The following DOCK7 variants were observed in gnomAD, a reference collection of about 807,000 sequenced individuals.
DOCK7 encodes dedicator of cytokinesis protein 7.
DOCK7 carries 138 observed loss-of-function variants against 271.0 expected under a neutral mutation model. The observed-to-expected ratio is 0.51, with a 90% confidence interval of 0.44 to 0.59. DOCK7 has a LOEUF of 0.59. Among genes scored for constraint, DOCK7 ranks in the 20% least tolerant of loss-of-function variants. The pLI, the probability that DOCK7 is intolerant of heterozygous loss-of-function variation, is 0.00. For synonymous variants in DOCK7, 823 were observed against 876.1 expected (o/e 0.94, Z 1.07); for missense variants, 2,066 against 2,592.4 (o/e 0.80, Z 4.41).
In DOCK7 at chr1:62,577,259, G is replaced by A. The variant is rs2149480888; in HGVS notation, c.2112+3C>T. The A allele has an allele frequency of 6.9e-7, 1 of 1,459,070 alleles. No homozygotes were observed. Among genetic ancestry groups the A allele is most frequent in the South Asian group, 1.7e-5 (1 of 58,686 alleles). The allele number at this position is 1,459,070 out of a possible 1,614,324, so 90.4% of individuals were successfully genotyped here. On this transcript the variant is annotated splice_donor_region_variant and intron_variant, in intron 18 of 49. Transcript: ENST00000635253. Reference sequence around the variant, plus strand: ...GGAGAAAGTCAACATGGGAGACACTGACCTCAGGAGACAGTACAGAATAAG... The same window carrying A: ...GGAGAAAGTCAACATGGGAGACACTAACCTCAGGAGACAGTACAGAATAAG...
chr1:62,547,045 G>A (rs538946379), intron 22 of DOCK7, among the ~76,000 whole-genome samples: 12 of 152,120 alleles, frequency 7.9e-5, no homozygotes, highest in East Asian at 5.8e-4. Context: ...GAACTTTGCT[G>A]TACTCTTAAA....
intron 28 of DOCK7, among the ~76,000 whole-genome samples, chr1:62,537,348 C>A (rs1458550562): frequency 6.6e-6 from 1 of 151,912 alleles, no homozygotes; most frequent in Non-Finnish European, 1.5e-5. Context: ...TTTTGAGAGG[C>A]CGAGGCCGGC....
At chr1:62,625,994 TA>T (rs1392030454) in intron 11 of DOCK7, among the ~76,000 whole-genome samples, 3 of 152,084 alleles carry the variant, frequency 2.0e-5, no homozygotes, top group African/African-American at 7.2e-5. Flanking sequence ...TACTAAGCCA[TA>T]AAACAACATA....
intron 39 of DOCK7, 122 bp from the exon 40 acceptor site, chr1:62,494,589 T>C: frequency 1.4e-6 from 1 of 696,436 alleles, no homozygotes; most frequent in South Asian, 3.9e-5. Flanking sequence ...TACTTAGTTT[T>C]AAAGTAGTAT....
intron 8 of DOCK7, chr1:62,635,761 AT>A (rs1655188343): frequency 6.6e-6 from 1 of 151,944 alleles, no homozygotes; most frequent in Non-Finnish European, 1.5e-5. Context: ...TCTTTTTTTA[AT>A]TTTAAATTGT....
At chr1:62,582,189 A>G (rs1647147230) in intron 16 of DOCK7, among the ~76,000 whole-genome samples, 1 of 152,190 alleles carries the variant, frequency 6.6e-6, no homozygotes, top group Non-Finnish European at 1.5e-5. Context: ...AGCACATAGA[A>G]AAGAAGCAGG....
chr1:62,548,423 C>T (rs189751820), intron 22 of DOCK7, among the ~76,000 whole-genome samples: 3 of 139,102 alleles, frequency 2.2e-5, no homozygotes, highest in Non-Finnish European at 3.1e-5. Flanking sequence ...TGTCTTAAGT[C>T]TTTTTTTTTT....
chr1:62,675,869 T>G (rs1660498342), intron 1 of DOCK7, among the ~76,000 whole-genome samples: 1 of 151,930 alleles, frequency 6.6e-6, no homozygotes. Flanking sequence ...CACCAGAATG[T>G]CTATAATCAA....
intron 14 of DOCK7, chr1:62,601,752 C>A: frequency 6.6e-7 from 1 of 1,503,986 alleles, no homozygotes; most frequent in Non-Finnish European, 9.2e-7. Context: ...GATGTAATAA[C>A]ATTTTATTGA....
In DOCK7 at chr1:62,539,748, T is replaced by G. The variant is rs895140871; in HGVS notation, c.3186+4A>C. 6.2e-7 allele frequency: 1 copy of G among 1,612,474 alleles called. No homozygotes were observed. The highest frequency in any genetic ancestry group is 8.5e-7 in the Non-Finnish European group (1 of 1,179,566). On this transcript the variant is annotated splice_donor_region_variant and intron_variant, in intron 26 of 49. Transcript: ENST00000635253. ...GAGATAAGTGGGGAAAAAGTTATCA[T>G]TACCTTCTGAAATCGTGAAACTATA...
intron 1 of DOCK7, among the ~76,000 whole-genome samples, chr1:62,676,778 G>T (rs1360530850): frequency 2.6e-5 from 4 of 152,082 alleles, no homozygotes; most frequent in Non-Finnish European, 4.4e-5. Flanking sequence ...GGTGTCACAG[G>T]GCAAACCAGG....
chr1:62,665,534 C>CTAG (rs1659199575), intron 1 of DOCK7, among the ~76,000 whole-genome samples: 1 of 150,974 alleles, frequency 6.6e-6, no homozygotes, highest in African/African-American at 2.4e-5. Context: ...TGAAACCCCG[C>CTAG]CTCTACTAAA....
chr1:62,475,884 TCTGTC>T lies in DOCK7; in HGVS notation c.5779_5783del (p.Asp1927AsnfsTer31). 6.2e-7 allele frequency: 1 copy of T among 1,614,064 alleles called. No homozygotes were observed. The highest frequency in any genetic ancestry group is 2.2e-5 in the East Asian group (1 of 44,860). ...TGTAATTTTTGTCGAAATAGGTGATTCTGTCCTTCATCTCATATGTGTCAAAGTAT... is the reference window on the plus strand; with the variant it reads ...TGTAATTTTTGTCGAAATAGGTGATTCTTCATCTCATATGTGTCAAAGTAT... On this transcript the variant is annotated frameshift_variant, in exon 46 of 50. Transcript: ENST00000635253. LOFTEE classifies it high-confidence loss of function.
intron 48 of DOCK7, among the ~76,000 whole-genome samples, chr1:62,461,568 G>A (rs893912223): frequency 4.0e-5 from 6 of 151,690 alleles, no homozygotes; most frequent in African/African-American, 2.4e-5. Context: ...TTGGGAGGCT[G>A]AGGCAGGAGG....
At chr1:62,523,975 A>G (rs1358195757) in intron 31 of DOCK7, among the ~76,000 whole-genome samples, 2 of 152,204 alleles carry the variant, frequency 1.3e-5, no homozygotes, top group Non-Finnish European at 2.9e-5. Context: ...AAATATTTGA[A>G]CCACTTATAA....
chr1:62,670,322 G>A (rs1007280550), intron 1 of DOCK7, among the ~76,000 whole-genome samples: 1 of 152,252 alleles, frequency 6.6e-6, no homozygotes, highest in African/African-American at 2.4e-5. Flanking sequence ...GCCCTGGTGC[G>A]GGATCCACTA....
chr1:62,600,212 T>C (rs1243201053), intron 14 of DOCK7, among the ~76,000 whole-genome samples: 1 of 151,674 alleles, frequency 6.6e-6, no homozygotes. Flanking sequence ...AAAATAAAAA[T>C]GTGTGAAGAA....
chr1:62,629,246 C>T (rs1301284407), intron 11 of DOCK7: 7 of 152,018 alleles, frequency 4.6e-5, no homozygotes, highest in African/African-American at 1.7e-4. Context: ...AGCTATATAT[C>T]TACATATCTA....
chr1:62,493,793 G>A (rs1243683977), intron 40 of DOCK7, among the ~76,000 whole-genome samples: 1 of 152,140 alleles, frequency 6.6e-6, no homozygotes. Flanking sequence ...CTGACTCTTG[G>A]TAAGCAGAGA....
Sources: allele counts gnomAD v4.1 joint callset (sites outside exome capture counted in the v4.1 genomes callset), GRCh38; gene constraint gnomAD v4.1.1; transcripts MANE v1.5; gene names NCBI Gene and HGNC (gene_info 2026-07-23, HGNC 2026-07-21).